Variants in PDE4D observed in about 807,000 individuals in gnomAD.
The protein encoded by PDE4D is 3',5'-cyclic-AMP phosphodiesterase 4D.
Under a neutral mutation model 87.4 loss-of-function variants are expected in PDE4D, and 24 were observed. That is an observed-to-expected ratio of 0.27 (90% CI 0.20 to 0.39). PDE4D has a LOEUF of 0.39. PDE4D is among the 10% of genes least tolerant of loss of function. The probability of loss-of-function intolerance (pLI) is 1.00; values close to 1 mark genes in which losing one functional copy is unlikely to be tolerated. For missense variants in PDE4D, 714 were observed against 1,041.0 expected (o/e 0.69, Z 4.32); for synonymous variants, 384 against 383.2 (o/e 1.00, Z -0.02).
intron 5 of PDE4D, among the ~76,000 whole-genome samples, chr5:59,098,253 A>T (rs897908540): frequency 6.6e-6 from 1 of 152,234 alleles, no homozygotes. Context: ...TTCCCAAGCT[A>T]GTTGGTAAGC....
intron 1 of PDE4D, among the ~76,000 whole-genome samples, chr5:60,495,377 G>A (rs1749757595): frequency 6.6e-6 from 1 of 152,130 alleles, no homozygotes; most frequent in African/African-American, 2.4e-5. Context: ...CTGCTAAAAT[G>A]GTAGATCCCT....
chr5:59,377,105 G>A (rs557108306), intron 1 of PDE4D, among the ~76,000 whole-genome samples: 6 of 152,058 alleles, frequency 3.9e-5, no homozygotes, highest in Non-Finnish European at 8.8e-5. Flanking sequence ...ATACCATCTT[G>A]GACACAGGAA....
chr5:60,423,414 G>A (rs1743321412), intron 1 of PDE4D, among the ~76,000 whole-genome samples: 1 of 152,106 alleles, frequency 6.6e-6, no homozygotes, highest in Non-Finnish European at 1.5e-5. Context: ...TCAACTAAAT[G>A]GAAACTGAAC....
chr5:58,994,188 TAAATA>T (rs1260083348), intron 6 of PDE4D, among the ~76,000 whole-genome samples: 1 of 152,182 alleles, frequency 6.6e-6, no homozygotes, highest in African/African-American at 2.4e-5. Context: ...CCCAAGTCAC[TAAATA>T]GGAAACAGGT....
intron 2 of PDE4D, among the ~76,000 whole-genome samples, chr5:60,107,254 C>T (rs894525360): frequency 3.3e-5 from 5 of 152,126 alleles, no homozygotes; most frequent in African/African-American, 1.2e-4. Context: ...ACTAGAAAAT[C>T]TAGAAGAAAT....
intron 2 of PDE4D, among the ~76,000 whole-genome samples, chr5:59,999,441 G>A (rs141734199): frequency 1.3e-3 from 184 of 145,726 alleles, no homozygotes; most frequent in African/African-American, 4.4e-3. Flanking sequence ...CGGAGAAGGA[G>A]ATTAAAAGCT....
At chr5:59,035,474 A>G (rs1310261841) in intron 6 of PDE4D, among the ~76,000 whole-genome samples, 2 of 152,226 alleles carry the variant, frequency 1.3e-5, no homozygotes, top group Non-Finnish European at 2.9e-5. Context: ...ATAAATTACA[A>G]CCGAATGGTA....
intron 1 of PDE4D, among the ~76,000 whole-genome samples, chr5:59,854,657 TA>T (rs1230862607): frequency 6.6e-6 from 1 of 152,106 alleles, no homozygotes; most frequent in Non-Finnish European, 1.5e-5. Context: ...TATCTTGAAA[TA>T]ATATGTGAGA....
At chr5:60,277,306 T>G (rs1397664897) in intron 1 of PDE4D, among the ~76,000 whole-genome samples, 1 of 151,944 alleles carries the variant, frequency 6.6e-6, no homozygotes, top group African/African-American at 2.4e-5. Context: ...TAAAAATATA[T>G]CCATATCAAA....
intron 1 of PDE4D, among the ~76,000 whole-genome samples, chr5:60,333,378 C>T (rs1221365142): frequency 6.6e-6 from 1 of 152,140 alleles, no homozygotes; most frequent in Non-Finnish European, 1.5e-5. Context: ...ACATCTGTGG[C>T]CTGTTCACAC....
At chr5:59,226,641 G>T (rs1242493278) in intron 1 of PDE4D, among the ~76,000 whole-genome samples, 1 of 151,922 alleles carries the variant, frequency 6.6e-6, no homozygotes, top group Non-Finnish European at 1.5e-5. Flanking sequence ...CTCATATTAT[G>T]TGTCTTTGTT....
At chr5:60,139,719 G>A (rs961449832) in intron 2 of PDE4D, among the ~76,000 whole-genome samples, 1 of 151,936 alleles carries the variant, frequency 6.6e-6, no homozygotes, top group Non-Finnish European at 1.5e-5. Context: ...CAAACTATAA[G>A]ATACTGAGTA....
At chr5:59,375,677 A>C (rs1386720670) in intron 1 of PDE4D, among the ~76,000 whole-genome samples, 2 of 152,198 alleles carry the variant, frequency 1.3e-5, no homozygotes, top group African/African-American at 2.4e-5. Flanking sequence ...ACTCCTCCCT[A>C]ACTCATTCTA....
At chr5:59,343,989 T>C (rs534370251) in intron 1 of PDE4D, among the ~76,000 whole-genome samples, 1 of 152,304 alleles carries the variant, frequency 6.6e-6, no homozygotes, top group East Asian at 1.9e-4. Context: ...ACTTCATTTA[T>C]GATAATAATG....
intron 1 of PDE4D, among the ~76,000 whole-genome samples, chr5:59,665,653 C>A (rs943158337): frequency 1.3e-5 from 2 of 152,162 alleles, no homozygotes; most frequent in Non-Finnish European, 2.9e-5. Context: ...ACATTGGCAC[C>A]CTCCCAAAAT....
At chr5:60,215,207 C>T (rs1743718242) in intron 1 of PDE4D, among the ~76,000 whole-genome samples, 1 of 152,118 alleles carries the variant, frequency 6.6e-6, no homozygotes, top group African/African-American at 2.4e-5. Flanking sequence ...ATTGGAAATA[C>T]TACTTAAAGA....
intron 2 of PDE4D, among the ~76,000 whole-genome samples, chr5:60,107,997 AGTTCTG>A (rs1449543198): frequency 2.6e-4 from 40 of 152,212 alleles, no homozygotes; most frequent in African/African-American, 9.4e-4. Context: ...TAGTGTTGGA[AGTTCTG>A]ACCAGGGCAA....
chr5:59,294,211 G>A (rs553784406), intron 1 of PDE4D, among the ~76,000 whole-genome samples: 2 of 152,190 alleles, frequency 1.3e-5, no homozygotes, highest in South Asian at 4.2e-4. Flanking sequence ...GTGTTACTAA[G>A]AATCATTTAA....
intron 6 of PDE4D, chr5:59,001,987 C>T (rs1412858139): frequency 1.0e-5 from 5 of 500,556 alleles, no homozygotes; most frequent in Non-Finnish European, 1.6e-5. Flanking sequence ...TACGGCATCA[C>T]CTTCCCTCCT....
Sources: gnomAD v4.1 joint callset for allele counts (sites outside exome capture counted in the v4.1 genomes callset) on GRCh38, gnomAD v4.1.1 for gene constraint, MANE v1.5 for transcripts, NCBI Gene and HGNC (gene_info 2026-07-23, HGNC 2026-07-21) for gene names.